The following WDR45 variants were observed in gnomAD, a reference collection of about 807,000 sequenced individuals.
WDR45 encodes the protein WD repeat domain 45.
In WDR45, 2 loss-of-function variants were observed where a neutral mutation model predicts 27.3. The ratio of observed to expected loss-of-function variants is 0.07; its 90% CI spans 0.03 to 0.23. The LOEUF (loss-of-function observed/expected upper bound fraction) is 0.23, where lower values mean the gene tolerates loss of function less well. WDR45 is among the 10% of genes least tolerant of loss of function. WDR45 has a pLI of 1.00. For missense variants in WDR45, 175 were observed against 311.9 expected, an observed-to-expected ratio of 0.56 and a Z score of 3.31; for synonymous variants, 99 against 119.2, an observed-to-expected ratio of 0.83 and a Z score of 1.11.
At chrX:49,092,128 A>AAAT (rs2065109457) in intron 2 of WDR45, among the ~76,000 whole-genome samples, 1 of 106,388 alleles carries the variant, frequency 9.4e-6, no homozygotes, top group Non-Finnish European at 1.9e-5. Context: ...TCAAAAAAAA[A>AAAT]AAAAAAAAAA....
At chrX:49,097,355 T>G (rs2065129240) in intron 2 of WDR45, among the ~76,000 whole-genome samples, 1 of 89,754 alleles carries the variant, frequency 1.1e-5, no homozygotes, top group African/African-American at 4.1e-5. Flanking sequence ...TGAGACAGAG[T>G]CTCGCTCTGT....
At chrX:49,077,059 G>A in intron 4 of WDR45, 1 of 289,169 alleles carries the variant, frequency 3.5e-6, no homozygotes, top group Non-Finnish European at 6.1e-6. Context: ...CTTCCCCTCG[G>A]TAACTATTTC....
chrX:49,101,123 G>A (rs782141929), upstream of WDR45: 19 of 112,525 alleles, frequency 1.7e-4, no homozygotes, highest in African/African-American at 5.5e-4. Flanking sequence ...GTGGGAGCCA[G>A]TACCCGGAAC....
At chrX:49,091,050 C>A (rs2065103172) in intron 2 of WDR45, among the ~76,000 whole-genome samples, 1 of 109,631 alleles carries the variant, frequency 9.1e-6, no homozygotes, top group Non-Finnish European at 1.9e-5. Flanking sequence ...GCCTCAATCT[C>A]CTGACCTCGT....
At chrX:49,084,103 G>A (rs2065078672), upstream of WDR45, among the ~76,000 whole-genome samples, 1 of 88,799 alleles carries the variant, frequency 1.1e-5, no homozygotes, top group Non-Finnish European at 2.2e-5. Context: ...AGGCTGGAGT[G>A]CAATGGTGTG....
At chrX:49,094,164 T>C (rs782788717) in intron 2 of WDR45, among the ~76,000 whole-genome samples, 4 of 110,725 alleles carry the variant, frequency 3.6e-5, no homozygotes, top group Non-Finnish European at 7.6e-5. Flanking sequence ...AAGGAGGCAA[T>C]GTGTGTTAAG....
chrX:49,076,917 C>T (rs1465933337), intron 4 of WDR45, 167 bp from the exon 5 acceptor site: 3 of 458,915 alleles, frequency 6.5e-6, no homozygotes, highest in Non-Finnish European at 1.2e-5. Context: ...GGATATGATC[C>T]CTGAGAGGAG....
upstream of WDR45, among the ~76,000 whole-genome samples, chrX:49,081,202 G>A (rs1221368134): frequency 3.0e-5 from 3 of 99,861 alleles, no homozygotes; most frequent in Non-Finnish European, 4.1e-5. Context: ...CACTGCGCCC[G>A]GCTGGAAGGA....
At chrX:49,098,489 C>T (rs1310472228) in intron 2 of WDR45, among the ~76,000 whole-genome samples, 5 of 60,721 alleles carry the variant, frequency 8.2e-5, no homozygotes, top group African/African-American at 2.7e-4. Context: ...GAAGGAGAAC[C>T]TATCTTAAAA....
chrX:49,094,429 A>T (rs986667125), intron 2 of WDR45, among the ~76,000 whole-genome samples: 2 of 110,948 alleles, frequency 1.8e-5, no homozygotes, highest in Non-Finnish European at 3.8e-5. Context: ...AGATCGCCCC[A>T]CTGCACTCCA....
upstream of WDR45, among the ~76,000 whole-genome samples, chrX:49,081,854 G>T (rs1277590347): frequency 6.6e-5 from 7 of 105,561 alleles, no homozygotes; most frequent in Non-Finnish European, 1.4e-4. Context: ...CGTGGTGGCG[G>T]GCACCTGTAA....
intron 2 of WDR45, among the ~76,000 whole-genome samples, chrX:49,087,098 C>T (rs1387248522): frequency 3.7e-5 from 4 of 108,788 alleles, no homozygotes; most frequent in Non-Finnish European, 5.7e-5. Context: ...TGGCCTACAC[C>T]TGTAATCCCA....
chrX:49,097,430 G>T (rs1261357017), intron 2 of WDR45, among the ~76,000 whole-genome samples: 1 of 107,217 alleles, frequency 9.3e-6, no homozygotes, highest in African/African-American at 3.4e-5. Context: ...GGTTTTAAGC[G>T]ATTCTCCTGT....
intron 2 of WDR45, among the ~76,000 whole-genome samples, chrX:49,088,931 G>A (rs1221388385): frequency 1.8e-5 from 2 of 112,133 alleles, no homozygotes; most frequent in Admixed American, 9.6e-5. Context: ...CCCTGGGAAG[G>A]AGACAATCTG....
At chrX:49,075,999 C>T in intron 6 of WDR45, 54 bp from the exon 7 acceptor site, 1 of 977,336 alleles carries the variant, frequency 1.0e-6, no homozygotes, top group Non-Finnish European at 1.4e-6. Flanking sequence ...GGCAGCATCT[C>T]AGAATGGACA....
At chrX:49,076,875 C>T (rs782052651) in intron 4 of WDR45, 125 bp from the exon 5 acceptor site, 2 of 530,432 alleles carry the variant, frequency 3.8e-6, no homozygotes, top group Non-Finnish European at 6.6e-6. Context: ...AATAAACAAC[C>T]AGTGAGATCC....
At chrX:49,098,971 T>C (rs1467391435) in intron 2 of WDR45, among the ~76,000 whole-genome samples, 2 of 111,954 alleles carry the variant, frequency 1.8e-5, no homozygotes, top group Admixed American at 1.9e-4. Flanking sequence ...CGGAAGTATA[T>C]ACAAAGTATT....
chrX:49,074,921 G>T lies in WDR45; in HGVS notation c.974-9C>A. On this transcript the variant is annotated splice_polypyrimidine_tract_variant and intron_variant, in intron 10 of 10. Transcript: ENST00000376372. ...CCCATCTACGCAGATGGCTGGGGGA[G>T]GGGGGGTGGTAAAAGGTCAGAGGCT... is the stretch of plus-strand genomic sequence containing the variant. 1.7e-6 allele frequency: 2 copies of T among 1,178,155 alleles called. No individual in the cohort carries two copies. Among genetic ancestry groups the T allele is most frequent in the African/African-American group, 1.7e-5 (1 of 57,282 alleles).
upstream of WDR45, among the ~76,000 whole-genome samples, chrX:49,081,565 G>A (rs1557085149): frequency 2.8e-5 from 3 of 105,692 alleles, no homozygotes; most frequent in South Asian, 4.3e-4. Context: ...GGTGACACGC[G>A]CCTGTAATCC....
Sources: gnomAD v4.1 joint callset for allele counts (sites outside exome capture counted in the v4.1 genomes callset) on GRCh38, gnomAD v4.1.1 for gene constraint, MANE v1.5 for transcripts, NCBI Gene and HGNC (gene_info 2026-07-23, HGNC 2026-07-21) for gene names.